ATG7: variants seen among roughly 807,000 people sequenced by gnomAD.
The protein encoded by ATG7 is autophagy related 7, also known as ubiquitin-like modifier-activating enzyme ATG7.
A neutral mutation model predicts 82.4 loss-of-function variants in ATG7; 70 were observed. That is an observed-to-expected ratio of 0.85 (90% CI 0.70 to 1.04). The LOEUF is 1.04. Among genes scored for constraint, ATG7 ranks in the 50% least tolerant of loss-of-function variants. ATG7 has a pLI of 0.00. For synonymous variants in ATG7, 287 were observed against 313.0 expected (o/e 0.92, Z 0.88); for missense variants, 792 against 864.3 (o/e 0.92, Z 1.05).
chr3:11,289,956 C>G (rs1027045609), intron 3 of ATG7, among the ~76,000 whole-genome samples: 8 of 152,190 alleles, frequency 5.3e-5, no homozygotes, highest in Admixed American at 1.3e-4. Context: ...GGTCGCACAT[C>G]TTCCCAGTCT....
At position 11,347,951 on chromosome 3, in the gene ATG7, C is replaced by G; in HGVS notation, c.1200C>G (p.Leu400=). ...ISYSNPVRQP[L]YEFEDCLGGG... The stretch of plus-strand genomic sequence containing the variant: ...ACTCCAATCCTGTGAGGCAGCCTCT[C>G]TATGAGTTTGAAGATTGCCTAGGGG... Residue 400 remains leucine (L), a synonymous_variant, in exon 14 of 21, where the codon CTC becomes CTG. Coordinates refer to ENST00000693202, the MANE Select transcript of ATG7 (RefSeq NM_001349232.2). 6.2e-7 allele frequency: 1 copy of G among 1,614,174 alleles called. No homozygotes were observed. Among genetic ancestry groups the G allele is most frequent in the African/African-American group, 1.3e-5 (1 of 75,048 alleles).
At chr3:11,546,964 A>G (rs2071346649) in intron 20 of ATG7, among the ~76,000 whole-genome samples, 1 of 152,186 alleles carries the variant, frequency 6.6e-6, no homozygotes, top group Non-Finnish European at 1.5e-5. Context: ...ACTGGGTCAT[A>G]CCAAGGTGGG....
chr3:11,386,260 T>C (rs1311573287), intron 19 of ATG7, among the ~76,000 whole-genome samples: 4 of 152,222 alleles, frequency 2.6e-5, no homozygotes, highest in Admixed American at 2.6e-4. Flanking sequence ...ATATTTCCTT[T>C]ATTTCACAAG....
intron 20 of ATG7, among the ~76,000 whole-genome samples, chr3:11,453,913 C>T (rs957178973): frequency 6.6e-6 from 1 of 152,120 alleles, no homozygotes; most frequent in Admixed American, 6.6e-5. Flanking sequence ...TTCTGGATAC[C>T]GTAGTTGTTA....
chr3:11,451,801 AAAT>A (rs1399940004), intron 20 of ATG7, among the ~76,000 whole-genome samples: 43 of 692 alleles, frequency 0.062, 1 homozygote, highest in East Asian at 0.24. Context: ...AAAAAAAAAC[AAAT>A]TAAAAAAACC....
rs573178039 is a variant in ATG7, at chr3:11,364,981, C to T, written c.1875+247C>T. Among the ~76,000 whole-genome samples, 4 of 152,212 alleles carry T rather than the reference C, an allele frequency of 2.6e-5. No individual in the cohort carries two copies. The East Asian group carries it at 7.7e-4, about 29-fold the overall frequency. On this transcript the variant is annotated intron_variant, in intron 18 of 20. Transcript: ENST00000693202. ...TGCGTTTTGTAAACTGACTAGAGGC[C>T]TCATAATGCAATAGGAACAGAAAAA...
At chr3:11,466,395 A>G (rs559883233) in intron 20 of ATG7, among the ~76,000 whole-genome samples, 2 of 152,346 alleles carry the variant, frequency 1.3e-5, no homozygotes, top group African/African-American at 4.8e-5. Flanking sequence ...TCCACGTCAT[A>G]TTGCAAAGGG....
At chr3:11,430,694 C>T (rs2082794289) in intron 20 of ATG7, among the ~76,000 whole-genome samples, 1 of 152,196 alleles carries the variant, frequency 6.6e-6, no homozygotes, top group Non-Finnish European at 1.5e-5. Context: ...GACACTGACC[C>T]TCAAGGGCTC....
At chr3:11,360,989 AT>A in intron 16 of ATG7, among the ~76,000 whole-genome samples, 1 of 152,208 alleles carries the variant, frequency 6.6e-6, no homozygotes, top group Non-Finnish European at 1.5e-5. Context: ...GTTCACCAAT[AT>A]AAACGCGGCT....
chr3:11,548,967 G>A (rs1177634873), intron 20 of ATG7, among the ~76,000 whole-genome samples: 2 of 152,378 alleles, frequency 1.3e-5, no homozygotes, highest in African/African-American at 2.4e-5. Context: ...ACTGCTCTGT[G>A]TGTCACCAGG....
Position 11,426,986 on chromosome 3 carries a change from C to A in ATG7, c.2079+60C>A, listed in dbSNP as rs531860609. 4.1e-6 allele frequency: 6 copies of A among 1,473,358 alleles called. No homozygotes were observed. In the Admixed American group the frequency reaches 7.5e-5, roughly 18 times the overall value. 91.3% of individuals were successfully genotyped at this position (1,473,358 alleles called of 1,614,324 possible). ...GACATGCTTAAAACTATTTGATATTCGCCATATGGAAAAGGAAGAAAGCAA... is the reference window on the plus strand; with the variant it reads ...GACATGCTTAAAACTATTTGATATTAGCCATATGGAAAAGGAAGAAAGCAA... On this transcript the variant is annotated intron_variant, in intron 20 of 20. Transcript: ENST00000693202.
At chr3:11,432,739 G>A (rs2083018244) in intron 20 of ATG7, among the ~76,000 whole-genome samples, 1 of 152,128 alleles carries the variant, frequency 6.6e-6, no homozygotes, top group Non-Finnish European at 1.5e-5. Context: ...AGGTTCAATG[G>A]AAGAAAGGCC....
intron 20 of ATG7, among the ~76,000 whole-genome samples, chr3:11,550,187 G>A (rs1036027605): frequency 2.0e-5 from 3 of 151,828 alleles, no homozygotes; most frequent in Admixed American, 2.0e-4. Context: ...ATCCTTCCAA[G>A]ATCAGAAATT....
At chr3:11,550,561 C>T (rs1281491427) in intron 20 of ATG7, among the ~76,000 whole-genome samples, 2 of 151,734 alleles carry the variant, frequency 1.3e-5, no homozygotes, top group Non-Finnish European at 2.9e-5. Context: ...ATGCCTGGCT[C>T]ATTTTTAAAA....
intron 5 of ATG7, among the ~76,000 whole-genome samples, chr3:11,305,863 T>C (rs1184869513): frequency 1.3e-5 from 2 of 152,218 alleles, no homozygotes; most frequent in African/African-American, 4.8e-5. Context: ...CAATTTTACA[T>C]GGACTTTAAA....
At chr3:11,541,057 A>G (rs1005247460) in intron 20 of ATG7, among the ~76,000 whole-genome samples, 5 of 151,760 alleles carry the variant, frequency 3.3e-5, no homozygotes, top group Admixed American at 6.6e-5. Flanking sequence ...CCACCACCAC[A>G]CCTGGCTAAT....
At chr3:11,288,424 T>C (rs1054383510) in intron 3 of ATG7, among the ~76,000 whole-genome samples, 1 of 152,236 alleles carries the variant, frequency 6.6e-6, no homozygotes, top group African/African-American at 2.4e-5. Context: ...ACATGGTGCT[T>C]GTTTCAAGGA....
At chr3:11,362,690 C>A in intron 16 of ATG7, 123 bp from the exon 17 acceptor site, 2 of 700,522 alleles carry the variant, frequency 2.9e-6, no homozygotes, top group Non-Finnish European at 4.7e-6. Context: ...GCTGGATGTT[C>A]TTTGCCAACA....
At chr3:11,559,448 G>A, downstream of ATG7, 1 of 1,563,638 alleles carries the variant, frequency 6.4e-7, no homozygotes, top group East Asian at 2.4e-5. Flanking sequence ...GATCACGGAG[G>A]GCCGGTTCTG....
Sources: gnomAD v4.1 joint callset for allele counts (sites outside exome capture counted in the v4.1 genomes callset) on GRCh38, gnomAD v4.1.1 for gene constraint, MANE v1.5 for transcripts, NCBI Gene and HGNC (gene_info 2026-07-23, HGNC 2026-07-21) for gene names.